The following SLC16A7 variants were observed in gnomAD, a reference collection of about 807,000 sequenced individuals.
The protein encoded by SLC16A7 is solute carrier family 16 member 7, also known as monocarboxylate transporter 2.
Under a neutral mutation model 34.9 loss-of-function variants are expected in SLC16A7, and 33 were observed. The observed-to-expected ratio is 0.94, with a 90% CI of 0.72 to 1.26. The LOEUF (loss-of-function observed/expected upper bound fraction) is 1.26, where lower values mean the gene tolerates loss of function less well. Among genes scored for constraint, SLC16A7 ranks in the 50% most tolerant of loss-of-function variants. The pLI is 0.00. For synonymous variants in SLC16A7, 201 were observed against 206.6 expected (o/e 0.97, Z 0.23); for missense variants, 573 against 578.1 (o/e 0.99, Z 0.09).
intron 3 of SLC16A7, among the ~76,000 whole-genome samples, chr12:59,766,800 G>A (rs1592678563): frequency 6.6e-6 from 1 of 152,064 alleles, no homozygotes. Flanking sequence ...CTCTTTTTTG[G>A]TTGTGTCTCT....
intron 3 of SLC16A7, among the ~76,000 whole-genome samples, chr12:59,768,700 T>C (rs1881927530): frequency 6.6e-6 from 1 of 152,136 alleles, no homozygotes; most frequent in African/African-American, 2.4e-5. Context: ...GTTTGTCTTA[T>C]TTTAAGCAAT....
At position 59,637,070 on chromosome 12, in the gene SLC16A7, T is replaced by C. The variant is rs1880462422; in HGVS notation, c.-129-18082T>C. ...AGAAACTGTCACCATGTCACATGAT[T>C]CAAATGTAAATCTAGCTTTCTGCTC... On this transcript the variant is annotated intron_variant, in intron 1 of 5. Coordinates refer to ENST00000547379, the MANE Select transcript of SLC16A7 (RefSeq NM_001270623.2). Among the ~76,000 whole-genome samples the C allele has an allele frequency of 2.0e-5, 3 of 152,136 alleles. No individual in the cohort carries two copies. In the South Asian group the frequency reaches 6.2e-4, roughly 31 times the overall value.
chr12:59,753,146 A>C (rs1480587472), intron 3 of SLC16A7, among the ~76,000 whole-genome samples: 2 of 152,228 alleles, frequency 1.3e-5, no homozygotes, highest in African/African-American at 4.8e-5. Context: ...AGCCACTGCA[A>C]AATCATGCCA....
intron 3 of SLC16A7, among the ~76,000 whole-genome samples, chr12:59,759,709 ATATTT>A (rs751635039): frequency 6.6e-6 from 1 of 152,128 alleles, no homozygotes; most frequent in South Asian, 2.1e-4. Context: ...TCAGGGGAAA[ATATTT>A]TATTTCAGAA....
At chr12:59,760,543 GAAC>G (rs1341420915) in intron 3 of SLC16A7, among the ~76,000 whole-genome samples, 3 of 152,084 alleles carry the variant, frequency 2.0e-5, no homozygotes. Flanking sequence ...TCATAAAAAA[GAAC>G]AATAATATAC....
chr12:59,597,657 A>C (rs1878485267), intron 1 of SLC16A7, among the ~76,000 whole-genome samples: 1 of 152,180 alleles, frequency 6.6e-6, no homozygotes. Flanking sequence ...AAAGTGACTA[A>C]TATTTAGCTC....
intron 2 of SLC16A7, among the ~76,000 whole-genome samples, chr12:59,670,416 C>G (rs369530672): frequency 5.3e-5 from 8 of 151,922 alleles, no homozygotes; most frequent in African/African-American, 1.7e-4. Flanking sequence ...TCCAATCCAC[C>G]CCCCCCACCA....
intron 3 of SLC16A7, among the ~76,000 whole-genome samples, chr12:59,749,667 G>T (rs571321344): frequency 6.6e-6 from 1 of 152,272 alleles, no homozygotes; most frequent in Admixed American, 6.5e-5. Context: ...TATTGTTATA[G>T]AAAAAGCCAT....
At chr12:59,639,826 A>G (rs976030748) in intron 1 of SLC16A7, among the ~76,000 whole-genome samples, 1 of 152,194 alleles carries the variant, frequency 6.6e-6, no homozygotes. Context: ...CTAATGGCCC[A>G]GAGTTAGTGC....
At chr12:59,642,208 C>T (rs918435787) in intron 1 of SLC16A7, among the ~76,000 whole-genome samples, 2 of 151,818 alleles carry the variant, frequency 1.3e-5, no homozygotes, top group Non-Finnish European at 2.9e-5. Flanking sequence ...CCTTTGTTTC[C>T]GTGCTTCATT....
At chr12:59,628,362 G>C (rs949348810) in intron 1 of SLC16A7, among the ~76,000 whole-genome samples, 1 of 151,768 alleles carries the variant, frequency 6.6e-6, no homozygotes, top group South Asian at 2.1e-4. Flanking sequence ...GGGCAATCAT[G>C]TACTAGCCTC....
intron 1 of SLC16A7, among the ~76,000 whole-genome samples, chr12:59,602,479 CTTTTTT>C (rs34035713): frequency 1.2e-5 from 1 of 80,278 alleles, no homozygotes. Flanking sequence ...GTGTTTTGGG[CTTTTTT>C]TTTTTTTTTT....
intron 3 of SLC16A7, among the ~76,000 whole-genome samples, chr12:59,736,489 G>A (rs564270022): frequency 5.0e-4 from 76 of 152,122 alleles, no homozygotes; most frequent in Non-Finnish European, 1.0e-4. Flanking sequence ...TTTTCACTTT[G>A]GTCAGGCATC....
At chr12:59,757,974 T>C (rs1880582669) in intron 3 of SLC16A7, among the ~76,000 whole-genome samples, 1 of 152,196 alleles carries the variant, frequency 6.6e-6, no homozygotes, top group Non-Finnish European at 1.5e-5. Context: ...AGAAGGCTAT[T>C]AGTTTTTTAG....
chr12:59,640,195 A>G (rs912142336), intron 1 of SLC16A7, among the ~76,000 whole-genome samples: 3 of 152,106 alleles, frequency 2.0e-5, no homozygotes, highest in African/African-American at 7.2e-5. Context: ...CCACATGCCA[A>G]ATTTAAATGG....
intron 1 of SLC16A7, among the ~76,000 whole-genome samples, chr12:59,623,529 T>C (rs908370098): frequency 1.3e-5 from 2 of 151,782 alleles, no homozygotes; most frequent in African/African-American, 2.4e-5. Context: ...GGAAAACCTA[T>C]ATATTGAGAT....
At chr12:59,746,727 A>G (rs1430035251) in intron 3 of SLC16A7, among the ~76,000 whole-genome samples, 1 of 152,252 alleles carries the variant, frequency 6.6e-6, no homozygotes, top group Non-Finnish European at 1.5e-5. Context: ...TTGACAAAGT[A>G]ACAGCAACAT....
Position 59,662,904 on chromosome 12 carries a change from G to C in SLC16A7, c.-31+7654G>C, listed in dbSNP as rs56980926. Among the ~76,000 whole-genome samples the C allele has an allele frequency of 9.9e-3, 1,501 of 152,112 alleles. 22 individuals are homozygous for C. The highest frequency in any genetic ancestry group is 0.035 in the African/African-American group (1,437 of 41,506). On this transcript the variant is annotated intron_variant, in intron 2 of 5. Transcript: ENST00000547379. ...TTTAAGATGTTAAGGTAATGTAGTA[G>C]AAGAAATATCTTATGTGAAGAAAGA...
chr12:59,704,199 C>CAAAAAAAAAAAAAAAAAAAGAAA (rs1873245521), intron 2 of SLC16A7, among the ~76,000 whole-genome samples: 7 of 51,560 alleles, frequency 1.4e-4, no homozygotes, highest in East Asian at 5.8e-4. Context: ...GACTCTGTCT[C>CAAAAAAAAAAAAAAAAAAAGAAA]AAAAAAAAAA....
Sources: gnomAD v4.1 joint callset for allele counts (sites outside exome capture counted in the v4.1 genomes callset) on GRCh38, gnomAD v4.1.1 for gene constraint, MANE v1.5 for transcripts, NCBI Gene and HGNC (gene_info 2026-07-23, HGNC 2026-07-21) for gene names.